Variants in CSMD2 observed in about 807,000 individuals in gnomAD.
CSMD2 encodes the protein CUB and Sushi multiple domains 2, also known as CUB and sushi domain-containing protein 2.
Under a neutral mutation model 398.5 loss-of-function variants are expected in CSMD2, and 130 were observed. The ratio of observed to expected loss-of-function variants is 0.33; its 90% confidence interval spans 0.28 to 0.38. The LOEUF (loss-of-function observed/expected upper bound fraction) is 0.38, where lower values mean the gene tolerates loss of function less well. CSMD2 is among the 10% of genes least tolerant of loss of function. The pLI is 1.00. For synonymous variants in CSMD2, 1,828 were observed against 1,908.5 expected, an observed-to-expected ratio of 0.96 and a Z score of 1.10; for missense variants, 3,829 against 4,764.9, an observed-to-expected ratio of 0.80 and a Z score of 5.78.
rs1473816223 is a variant in CSMD2 at position 33,571,600 on chromosome 1, C to T, written c.7889G>A (p.Gly2630Asp). 1 of 1,577,612 alleles carries T rather than the reference C, an allele frequency of 6.3e-7. No individual in the cohort carries two copies. Among genetic ancestry groups the T allele is most frequent in the Non-Finnish European group, 8.6e-7 (1 of 1,156,114 alleles). The stretch of plus-strand genomic sequence containing the variant: ...GGCCTGACAGCGGATGACCCTTTGG[C>T]CAGTATAGTAGTAGCCAGGGTCACA... ...LICDPGYYYT[G>D]QRVIRCQANG... is the part of the protein sequence containing the mutation. The change falls in exon 51 of 71, where the codon GGC becomes GAC. Residue 2630 changes from glycine (G) to aspartate (D), a missense_variant. Gly to Asp is a moderately conservative substitution (Grantham distance 94, BLOSUM62 -1). This residue lies in a region of CSMD2 where 723 missense variants were observed against 758.6 expected (regional missense o/e 0.95). Transcript: ENST00000373381.
chr1:33,992,810 G>A (rs1646601311), intron 3 of CSMD2, among the ~76,000 whole-genome samples: 1 of 150,636 alleles, frequency 6.6e-6, no homozygotes. Flanking sequence ...CCGGGAGGCA[G>A]AGCTTGCAGT....
chr1:33,864,584 G>C (rs745673739), intron 5 of CSMD2: 1 of 1,614,040 alleles, frequency 6.2e-7, no homozygotes, highest in South Asian at 1.1e-5. Flanking sequence ...GGAAGATGTG[G>C]TCAACAGCGA....
rs527732975 is a variant in CSMD2, at chr1:34,160,162, G to A, written c.187+4749C>T. Among the ~76,000 whole-genome samples, 160 of 152,308 alleles carry A rather than the reference G, an allele frequency of 1.1e-3. 1 individual carries two copies. The highest frequency in any genetic ancestry group is 8.8e-4 in the Non-Finnish European group (60 of 68,038). On this transcript the variant is annotated intron_variant, in intron 1 of 70. Transcript: ENST00000373381. The stretch of plus-strand genomic sequence containing the variant: ...GCCGGAGAAACCCAAACCAGGCAGT[G>A]TCCAAGACCCTGCAATTTGGTCCTC...
At chr1:33,774,464 G>A (rs967564646) in intron 12 of CSMD2, among the ~76,000 whole-genome samples, 2 of 152,156 alleles carry the variant, frequency 1.3e-5, no homozygotes, top group South Asian at 2.1e-4. Flanking sequence ...ATAAGTCAAC[G>A]TGGAGAAGCA....
chr1:33,888,701 A>C (rs1641763414), intron 5 of CSMD2, among the ~76,000 whole-genome samples: 1 of 152,188 alleles, frequency 6.6e-6, no homozygotes, highest in Non-Finnish European at 1.5e-5. Context: ...GGTATTCCTA[A>C]CCAAGACACA....
At chr1:34,049,984 G>A (rs146616023) in intron 2 of CSMD2, among the ~76,000 whole-genome samples, 196 of 152,322 alleles carry the variant, frequency 1.3e-3, no homozygotes, top group Non-Finnish European at 1.9e-3. Context: ...GCAATGTGAA[G>A]ATGCAGTGAG....
At chr1:33,735,121 T>C (rs567978082) in intron 15 of CSMD2, among the ~76,000 whole-genome samples, 32 of 152,352 alleles carry the variant, frequency 2.1e-4, no homozygotes, top group Middle Eastern at 3.4e-3. Context: ...AAGTCTTTCA[T>C]AGAGGTGTTG....
At chr1:33,987,438 G>A (rs1047637398) in intron 3 of CSMD2, among the ~76,000 whole-genome samples, 5 of 152,072 alleles carry the variant, frequency 3.3e-5, no homozygotes, top group Admixed American at 1.3e-4. Context: ...CACCCTGCTC[G>A]CAAGTGCTAC....
chr1:34,109,949 G>A (rs1264567489), intron 1 of CSMD2, among the ~76,000 whole-genome samples: 2 of 147,536 alleles, frequency 1.4e-5, no homozygotes, highest in East Asian at 4.2e-4. Context: ...GCTGAGGCAG[G>A]AGAATCGGGT....
At chr1:33,981,277 G>A (rs1646156917) in intron 3 of CSMD2, among the ~76,000 whole-genome samples, 2 of 152,192 alleles carry the variant, frequency 1.3e-5, no homozygotes, top group African/African-American at 2.4e-5. Context: ...CCTCAGGAGT[G>A]TGCAGTCACA....
Position 33,935,855 on chromosome 1 carries a change from T to G in CSMD2, c.617A>C (p.Asn206Thr). The G allele has an allele frequency of 1.2e-6, 2 of 1,614,190 alleles. No individual in the cohort carries two copies. The change falls in exon 4 of 71, where the codon AAC becomes ACC. Residue 206 changes from asparagine to threonine, a missense_variant. By Grantham distance (65) the Asn-to-Thr change is moderately conservative (BLOSUM62 0). Coordinates refer to ENST00000373381, the MANE Select transcript of CSMD2 (RefSeq NM_001281956.2). ...NLGDKVRYSC[N>T]LGFFLEGHAV... ...GTGGCCCTCCAGGAAGAAGCCAAGG[T>G]TGCAGCTGTAGCGGACCTTGTCACC... is the stretch of plus-strand genomic sequence containing the variant.
intron 3 of CSMD2, among the ~76,000 whole-genome samples, chr1:34,011,677 A>C (rs1647350628): frequency 6.6e-6 from 1 of 152,182 alleles, no homozygotes; most frequent in African/African-American, 2.4e-5. Context: ...TCACATCATG[A>C]AGAATGGGGT....
In CSMD2 at chr1:33,546,177, T is replaced by C; in HGVS notation, c.8960A>G (p.His2987Arg). ...AAAGCTGTCCCCCAAACGGATGCCATGAGCCGGGATCCCAGGGTCACCGCA... is the reference window on the plus strand; with the variant it reads ...AAAGCTGTCCCCCAAACGGATGCCACGAGCCGGGATCCCAGGGTCACCGCA... ...GVCGDPGIPAHGIRLGDSFDP... is the reference protein window; with the variant it reads ...GVCGDPGIPARGIRLGDSFDP... Residue 2987 changes from histidine to arginine, a missense_variant, in exon 57 of 71, where the codon CAT (histidine) becomes CGT (arginine). His to Arg is a conservative substitution (Grantham distance 29). This residue lies in a region of CSMD2 where 917 missense variants were observed against 1,199.5 expected (regional missense o/e 0.76). Coordinates refer to ENST00000373381, the MANE Select transcript of CSMD2 (RefSeq NM_001281956.2). The C allele has an allele frequency of 6.2e-7, 1 of 1,614,126 alleles. No individual in the cohort carries two copies. Among genetic ancestry groups the C allele is most frequent in the Non-Finnish European group, 8.5e-7 (1 of 1,179,994 alleles).
At chr1:33,869,719 G>A (rs1640312232) in intron 5 of CSMD2, among the ~76,000 whole-genome samples, 1 of 152,190 alleles carries the variant, frequency 6.6e-6, no homozygotes, top group Non-Finnish European at 1.5e-5. Context: ...CTGCGTAGGA[G>A]GCATGGCTCA....
chr1:33,786,498 C>T lies in CSMD2; in HGVS notation c.1663+2102G>A, dbSNP rs117378199. 1.1e-4 allele frequency among the ~76,000 whole-genome samples: 16 copies of T among 152,284 alleles called. No individual in the cohort carries two copies. In the East Asian group the frequency reaches 2.3e-3, roughly 22 times the overall value. ...GCTGCTTATGTGTAACTTTATGCAC[C>T]GGAACAGCCCGCTCATTGAACTACC... On this transcript the variant is annotated intron_variant, in intron 12 of 70. Transcript: ENST00000373381.
intron 32 of CSMD2, among the ~76,000 whole-genome samples, chr1:33,627,215 A>G (rs778678175): frequency 6.6e-6 from 1 of 152,214 alleles, no homozygotes; most frequent in Non-Finnish European, 1.5e-5. Flanking sequence ...TTGCCGGCCA[A>G]TAACACACAA....
At chr1:34,064,604 G>A (rs1654902415) in intron 2 of CSMD2, among the ~76,000 whole-genome samples, 1 of 152,102 alleles carries the variant, frequency 6.6e-6, no homozygotes, top group Admixed American at 6.5e-5. Flanking sequence ...ACCTCTAGGA[G>A]GTTCCAAAGT....
chr1:34,027,306 C>T (rs989507456), intron 3 of CSMD2, among the ~76,000 whole-genome samples: 15 of 152,090 alleles, frequency 9.9e-5, no homozygotes, highest in African/African-American at 3.4e-4. Flanking sequence ...CAAAGAGATG[C>T]CAATTATCGC....
intron 3 of CSMD2, among the ~76,000 whole-genome samples, chr1:33,981,569 T>TTTCC (rs1490202357): frequency 1.3e-5 from 2 of 152,248 alleles, no homozygotes; most frequent in Non-Finnish European, 2.9e-5. Context: ...TCATCACGTA[T>TTTCC]TTCCGTCCTA....
Sources: gnomAD v4.1 joint callset for allele counts (sites outside exome capture counted in the v4.1 genomes callset) on GRCh38, gnomAD v4.1.1 for gene constraint, gnomAD v4.1.1 regional missense constraint, MANE v1.5 for transcripts, NCBI Gene and HGNC (gene_info 2026-07-23, HGNC 2026-07-21) for gene names.